SEMA3A: variants seen among roughly 807,000 people sequenced by gnomAD.
The protein encoded by SEMA3A is semaphorin 3A, also known as semaphorin-3A.
A neutral mutation model predicts 97.9 loss-of-function variants in SEMA3A; 29 were observed. That is an observed-to-expected ratio of 0.30 (90% CI 0.22 to 0.40). The LOEUF is 0.40. Among genes scored for constraint, SEMA3A ranks in the 10% least tolerant of loss-of-function variants. The probability of loss-of-function intolerance (pLI) is 1.00; values close to 1 mark genes in which losing one functional copy is unlikely to be tolerated. For synonymous variants in SEMA3A, 321 were observed against 323.7 expected (o/e 0.99, Z 0.09); for missense variants, 763 against 951.3 (o/e 0.80, Z 2.60).
intron 1 of SEMA3A, among the ~76,000 whole-genome samples, chr7:84,425,135 A>T (rs1488875899): frequency 9.1e-6 from 1 of 110,016 alleles, no homozygotes; most frequent in Non-Finnish European, 1.7e-5. Flanking sequence ...ATTTATATAT[A>T]AATATTATAT....
At chr7:84,254,105 A>T (rs896085314) in intron 3 of SEMA3A, among the ~76,000 whole-genome samples, 1 of 152,226 alleles carries the variant, frequency 6.6e-6, no homozygotes, top group African/African-American at 2.4e-5. Flanking sequence ...GTCCTCAAAC[A>T]TCTGAAAGAG....
At chr7:84,229,751 T>C (rs2116353386) in intron 3 of SEMA3A, among the ~76,000 whole-genome samples, 1 of 152,234 alleles carries the variant, frequency 6.6e-6, no homozygotes, top group Non-Finnish European at 1.5e-5. Context: ...TCCCTTTCTC[T>C]ATTATCTCTG....
intron 3 of SEMA3A, among the ~76,000 whole-genome samples, chr7:84,273,318 T>C (rs1800200946): frequency 6.6e-6 from 1 of 152,124 alleles, no homozygotes; most frequent in East Asian, 1.9e-4. Context: ...TTCCATAATG[T>C]TTTCTGTGGG....
chr7:84,103,973 A>C (rs1306171613), intron 4 of SEMA3A, among the ~76,000 whole-genome samples: 1 of 152,158 alleles, frequency 6.6e-6, no homozygotes, highest in East Asian at 1.9e-4. Flanking sequence ...ATCAATCAAA[A>C]GAGGACCCAT....
intron 3 of SEMA3A, among the ~76,000 whole-genome samples, chr7:84,300,861 G>T (rs1800991567): frequency 6.6e-6 from 1 of 151,998 alleles, no homozygotes; most frequent in South Asian, 2.1e-4. Flanking sequence ...AAAGGATATA[G>T]TCATTAACTG....
At chr7:83,990,946 C>A (rs1456575338) in intron 12 of SEMA3A, among the ~76,000 whole-genome samples, 2 of 152,132 alleles carry the variant, frequency 1.3e-5, no homozygotes, top group African/African-American at 4.8e-5. Context: ...TCTTCCTACC[C>A]ATGAGCATGG....
chr7:84,012,477 T>G (rs17158496), intron 7 of SEMA3A, among the ~76,000 whole-genome samples: 1 of 152,118 alleles, frequency 6.6e-6, no homozygotes, highest in Non-Finnish European at 1.5e-5. Flanking sequence ...CTAACCTACA[T>G]AGGCTTGTTC....
intron 1 of SEMA3A, among the ~76,000 whole-genome samples, chr7:84,148,229 CTTTTCT>C (rs1196426360): frequency 1.3e-5 from 2 of 150,806 alleles, no homozygotes; most frequent in Non-Finnish European, 3.0e-5. Context: ...TTTTTCTTTT[CTTTTCT>C]TTTTCTTTTT....
intron 4 of SEMA3A, among the ~76,000 whole-genome samples, chr7:84,099,750 A>T (rs1331536441): frequency 1.3e-5 from 2 of 152,116 alleles, no homozygotes; most frequent in Non-Finnish European, 2.9e-5. Context: ...TGATGTTTTC[A>T]TTTGAGAATT....
At chr7:84,147,131 T>C (rs1438508647) in intron 1 of SEMA3A, among the ~76,000 whole-genome samples, 1 of 152,206 alleles carries the variant, frequency 6.6e-6, no homozygotes, top group African/African-American at 2.4e-5. Context: ...TTACAAATTA[T>C]ATATACTACA....
intron 4 of SEMA3A, among the ~76,000 whole-genome samples, chr7:84,080,259 G>A (rs1213632777): frequency 1.3e-5 from 2 of 149,110 alleles, no homozygotes; most frequent in African/African-American, 5.0e-5. Flanking sequence ...GCTGAATGAT[G>A]AGTTAATGGG....
At chr7:84,173,280 G>A (rs1324742313) in intron 1 of SEMA3A, among the ~76,000 whole-genome samples, 1 of 152,132 alleles carries the variant, frequency 6.6e-6, no homozygotes, top group African/African-American at 2.4e-5. Context: ...TTTTGGCCAG[G>A]CGCGGTGGCT....
At chr7:84,422,455 T>C (rs1392358747) in intron 1 of SEMA3A, among the ~76,000 whole-genome samples, 1 of 152,112 alleles carries the variant, frequency 6.6e-6, no homozygotes, top group Admixed American at 6.6e-5. Flanking sequence ...TTGTTAATCT[T>C]TTCAAAAAAC....
intron 3 of SEMA3A, among the ~76,000 whole-genome samples, chr7:84,285,280 A>G (rs1014829045): frequency 1.3e-5 from 2 of 152,174 alleles, no homozygotes; most frequent in Non-Finnish European, 2.9e-5. Flanking sequence ...GACATTAAAC[A>G]AAAGGCAAAT....
chr7:84,134,362 T>C (rs1261507632), intron 2 of SEMA3A, among the ~76,000 whole-genome samples: 2 of 152,238 alleles, frequency 1.3e-5, no homozygotes, highest in Non-Finnish European at 2.9e-5. Flanking sequence ...AATAAAACTT[T>C]ATTTACAAAC....
chr7:84,331,949 G>C (rs1801920082), intron 2 of SEMA3A, among the ~76,000 whole-genome samples: 1 of 152,138 alleles, frequency 6.6e-6, no homozygotes, highest in African/African-American at 2.4e-5. Context: ...TTCTGGCACA[G>C]TGGAAAAATA....
intron 2 of SEMA3A, among the ~76,000 whole-genome samples, chr7:84,354,516 G>A (rs1023543275): frequency 6.6e-6 from 1 of 151,312 alleles, no homozygotes; most frequent in African/African-American, 2.4e-5. Context: ...TATTTTAGGA[G>A]AATTTTCAAA....
intron 1 of SEMA3A, among the ~76,000 whole-genome samples, chr7:84,445,923 T>A (rs1402323519): frequency 6.6e-6 from 1 of 151,862 alleles, no homozygotes; most frequent in East Asian, 1.9e-4. Flanking sequence ...AAGTTTACCC[T>A]CTTAAAATAT....
At chr7:84,084,584 G>C (rs1794272222) in intron 4 of SEMA3A, among the ~76,000 whole-genome samples, 1 of 151,912 alleles carries the variant, frequency 6.6e-6, no homozygotes, top group African/African-American at 2.4e-5. Flanking sequence ...TCACTCCAAT[G>C]TTCCATAACA....
Sources: gnomAD v4.1 joint callset for allele counts (sites outside exome capture counted in the v4.1 genomes callset) on GRCh38, gnomAD v4.1.1 for gene constraint, MANE v1.5 for transcripts, NCBI Gene and HGNC (gene_info 2026-07-23, HGNC 2026-07-21) for gene names.